Variants in DCPS observed in about 807,000 individuals in gnomAD.
The protein encoded by DCPS is decapping enzyme, scavenger, also known as m7GpppX diphosphatase.
DCPS carries 27 observed loss-of-function variants against 34.7 expected under a neutral mutation model. The ratio of observed to expected loss-of-function variants is 0.78; its 90% confidence interval spans 0.57 to 1.07. The LOEUF (loss-of-function observed/expected upper bound fraction) is 1.07. DCPS is among the 50% of genes least tolerant of loss of function. The probability of loss-of-function intolerance (pLI) is 0.00; values close to 1 mark genes in which losing one functional copy is unlikely to be tolerated. For synonymous variants in DCPS, 185 were observed against 185.7 expected (o/e 1.00, Z 0.03); for missense variants, 464 against 436.9 (o/e 1.06, Z -0.55).
chr11:126,310,841 C>A (rs560942424), intron 2 of DCPS, among the ~76,000 whole-genome samples: 1 of 152,354 alleles, frequency 6.6e-6, no homozygotes, highest in Non-Finnish European at 1.5e-5. Context: ...AGCCCTCTGT[C>A]CCCCTGCATG....
rs889219110 is a variant in DCPS at position 126,329,830 on chromosome 11, G to A, written c.377-1575G>A. On this transcript the variant is annotated intron_variant, in intron 2 of 5. Coordinates refer to ENST00000263579, the MANE Select transcript of DCPS (RefSeq NM_014026.6). This position sits in a 1 kb window ranked among gnomAD's most constrained non-coding sequence, Gnocchi z 5.0. ...ATAGTTCTTAGCCGGGTTTTGCGGT[G>A]TGTGAGTGAGTATGAGGACTTCGTG... 2.0e-5 allele frequency among the ~76,000 whole-genome samples: 3 copies of A among 152,272 alleles called. No individual in the cohort carries two copies. The highest frequency in any genetic ancestry group is 3.9e-4 in the East Asian group (2 of 5,176).
At position 126,345,276 on chromosome 11, in the gene DCPS, C is replaced by G. The variant is rs76667195; in HGVS notation, c.748-71C>G. ...TCCAGGATTCAGATGGGAGGAGGGT[C>G]TAGGTGGGGACATGGCGCCGGGCCT... On this transcript the variant is annotated intron_variant, in intron 5 of 5. Coordinates refer to ENST00000263579, the MANE Select transcript of DCPS (RefSeq NM_014026.6). The surrounding 1 kb of genome is among the most constrained non-coding windows in gnomAD (Gnocchi z 7.4). 1.3e-6 allele frequency: 2 copies of G among 1,584,286 alleles called. No individual in the cohort carries two copies. Among genetic ancestry groups the G allele is most frequent in the Non-Finnish European group, 1.7e-6 (2 of 1,166,350 alleles).
chr11:126,321,827 C>T (rs1377229126), intron 2 of DCPS, among the ~76,000 whole-genome samples: 1 of 151,756 alleles, frequency 6.6e-6, no homozygotes, highest in Non-Finnish European at 1.5e-5. Context: ...TTTATTAAAG[C>T]TCTTGGAAAT....
rs1411634380 is a variant in DCPS, at chr11:126,346,774, C to T, written c.*1161C>T. Among the ~76,000 whole-genome samples the T allele has an allele frequency of 6.6e-6, 1 of 152,192 alleles. No homozygotes were observed. The highest frequency in any genetic ancestry group is 1.5e-5 in the Non-Finnish European group (1 of 68,040). On this transcript the variant is annotated 3_prime_UTR_variant, in exon 6 of 6. Transcript: ENST00000263579. This position sits in a 1 kb window ranked among gnomAD's most constrained non-coding sequence, Gnocchi z 4.1. ...CATCCCCTGCCTGAGAACCAGGAAG[C>T]CTCATTCAGAGATTAGCCCCTTTAC...
chr11:126,338,456 T>C lies in DCPS; in HGVS notation c.636+57T>C. 6.8e-7 allele frequency: 1 copy of C among 1,471,808 alleles called. No individual in the cohort carries two copies. Among genetic ancestry groups the C allele is most frequent in the South Asian group, 1.1e-5 (1 of 88,072 alleles). The allele number at this position is 1,471,808 out of a possible 1,614,324, so 91.2% of individuals were successfully genotyped here. On this transcript the variant is annotated intron_variant, in intron 4 of 5. Coordinates refer to ENST00000263579, the MANE Select transcript of DCPS (RefSeq NM_014026.6). The surrounding 1 kb of genome is among the most constrained non-coding windows in gnomAD (Gnocchi z 5.4). Reference sequence around the variant, plus strand: ...CTGGCCACCCTGCTGTAAGTGCTGGTCCTTCTGACTGCCCTCTTTCTCACG... The same window carrying C: ...CTGGCCACCCTGCTGTAAGTGCTGGCCCTTCTGACTGCCCTCTTTCTCACG...
Position 126,338,458 on chromosome 11 carries a change from C to T in DCPS, c.636+59C>T, listed in dbSNP as rs1296887019. The T allele has an allele frequency of 6.8e-7, 1 of 1,462,806 alleles. No homozygotes were observed. Among genetic ancestry groups the T allele is most frequent in the Non-Finnish European group, 9.6e-7 (1 of 1,043,014 alleles). 90.6% of individuals were successfully genotyped at this position (1,462,806 alleles called of 1,614,324 possible). ...GGCCACCCTGCTGTAAGTGCTGGTC[C>T]TTCTGACTGCCCTCTTTCTCACGCT... is the stretch of plus-strand genomic sequence containing the variant. On this transcript the variant is annotated intron_variant, in intron 4 of 5. Coordinates refer to ENST00000263579, the MANE Select transcript of DCPS (RefSeq NM_014026.6). This position sits in a 1 kb window ranked among gnomAD's most constrained non-coding sequence, Gnocchi z 5.4.
Position 126,328,806 on chromosome 11 carries a change from G to C in DCPS, c.377-2599G>C, listed in dbSNP as rs1184533439. 2.6e-5 allele frequency among the ~76,000 whole-genome samples: 4 copies of C among 152,308 alleles called. No individual in the cohort carries two copies. Among genetic ancestry groups the C allele is most frequent in the South Asian group, 2.1e-4 (1 of 4,824 alleles). ...AGCGGAGAGAATCCAAGCTAGCCTG[G>C]GGGGAGCGCTTTTCTCCATGTGAGG... On this transcript the variant is annotated intron_variant, in intron 2 of 5. Transcript: ENST00000263579. The surrounding 1 kb of genome is among the most constrained non-coding windows in gnomAD (Gnocchi z 6.6).
At position 126,348,389 on chromosome 11, in the gene DCPS, T is replaced by G. The variant is rs1048537777; in HGVS notation, c.*2776T>G. 2.0e-5 allele frequency among the ~76,000 whole-genome samples: 3 copies of G among 152,208 alleles called. No homozygotes were observed. Among genetic ancestry groups the G allele is most frequent in the African/African-American group, 7.2e-5 (3 of 41,460 alleles). The stretch of plus-strand genomic sequence containing the variant: ...TCCAGGCCTCACCACTTAACTTTTC[T>G]TGTACATGGAAAGACAAGCCTCTGC... On this transcript the variant is annotated 3_prime_UTR_variant, in exon 6 of 6. Coordinates refer to ENST00000263579, the MANE Select transcript of DCPS (RefSeq NM_014026.6). The surrounding 1 kb of genome is among the most constrained non-coding windows in gnomAD (Gnocchi z 5.3).
rs1043955999 is a variant in DCPS, at chr11:126,319,665, C to T, written c.377-11740C>T. On this transcript the variant is annotated intron_variant, in intron 2 of 5. Transcript: ENST00000263579. The surrounding 1 kb of genome is among the most constrained non-coding windows in gnomAD (Gnocchi z 4.5). ...GTTTCGCTGACAGCTGTTTACGTGT[C>T]TCTAGGAAGAATTGGAACTAGTCAT... 6.6e-6 allele frequency among the ~76,000 whole-genome samples: 1 copy of T among 152,176 alleles called. No homozygotes were observed. Among genetic ancestry groups the T allele is most frequent in the Non-Finnish European group, 1.5e-5 (1 of 68,026 alleles).
At position 126,345,351 on chromosome 11, in the gene DCPS, C is replaced by T. The variant is rs1455210854; in HGVS notation, c.752C>T (p.Ala251Val). The change falls in exon 6 of 6, where the codon GCC becomes GTC. Residue 251 changes from alanine (A) to valine (V), a missense_variant. Ala to Val is a moderately conservative substitution (Grantham distance 64). Coordinates refer to ENST00000263579, the MANE Select transcript of DCPS (RefSeq NM_014026.6). This position sits in a 1 kb window ranked among gnomAD's most constrained non-coding sequence, Gnocchi z 7.4. The stretch of plus-strand genomic sequence containing the variant: ...TGCCTGCCCCTGTCTCATCAGGAGG[C>T]CATCCTGCAGCGCTACCGGATGAAG... ...LRNILHQGQE[A>V]ILQRYRMKGD... is the part of the protein sequence containing the mutation. 23 of 1,613,656 alleles carry T rather than the reference C, an allele frequency of 1.4e-5. No individual in the cohort carries two copies. The highest frequency in any genetic ancestry group is 2.7e-5 in the African/African-American group (2 of 74,930).
rs909364962 is a variant in DCPS at position 126,323,598 on chromosome 11, C to T, written c.377-7807C>T. Among the ~76,000 whole-genome samples, 1 of 151,786 alleles carries T rather than the reference C, an allele frequency of 6.6e-6. No individual in the cohort carries two copies. The highest frequency in any genetic ancestry group is 1.5e-5 in the Non-Finnish European group (1 of 67,984). On this transcript the variant is annotated intron_variant, in intron 2 of 5. Coordinates refer to ENST00000263579, the MANE Select transcript of DCPS (RefSeq NM_014026.6). This position sits in a 1 kb window ranked among gnomAD's most constrained non-coding sequence, Gnocchi z 4.4. ...TCACCCAGGCTGGAGCGCAGTGGCA[C>T]GATCACAGCTCACTGCAGCCTTGAC... is the stretch of plus-strand genomic sequence containing the variant.
chr11:126,308,877 G>A (rs1269427261), intron 2 of DCPS, among the ~76,000 whole-genome samples: 1 of 152,046 alleles, frequency 6.6e-6, no homozygotes, highest in Non-Finnish European at 1.5e-5. Context: ...TGTTTCTATT[G>A]TTTTTCCCAA....
In DCPS at chr11:126,332,468, C is replaced by T. The variant is rs1001265322; in HGVS notation, c.522+918C>T. Among the ~76,000 whole-genome samples the T allele has an allele frequency of 4.6e-5, 7 of 152,236 alleles. No homozygotes were observed. The highest frequency in any genetic ancestry group is 2.1e-4 in the South Asian group (1 of 4,830). On this transcript the variant is annotated intron_variant, in intron 3 of 5. Transcript: ENST00000263579. This position sits in a 1 kb window ranked among gnomAD's most constrained non-coding sequence, Gnocchi z 5.4. ...CTTTATCACTCACCCTTGTTCTCTT[C>T]GAGCATTTCTCACTTTTCTCCCCAA...
rs532791526 is a variant in DCPS, at chr11:126,334,045, G to A, written c.522+2495G>A. On this transcript the variant is annotated intron_variant, in intron 3 of 5. Coordinates refer to ENST00000263579, the MANE Select transcript of DCPS (RefSeq NM_014026.6). The surrounding 1 kb of genome is among the most constrained non-coding windows in gnomAD (Gnocchi z 5.5). ...AGAACAGGAAGACTGGGAAAAACCA[G>A]TATGGGTCTGAACCAAGGTAGGGAC... Among the ~76,000 whole-genome samples the A allele has an allele frequency of 1.3e-5, 2 of 152,306 alleles. No homozygotes were observed. The highest frequency in any genetic ancestry group is 2.1e-4 in the South Asian group (1 of 4,826).
intron 4 of DCPS, among the ~76,000 whole-genome samples, chr11:126,339,693 C>G (rs75098392): frequency 0.025 from 3,876 of 152,346 alleles, 67 homozygotes; most frequent in South Asian, 0.041. Context: ...CCTGCATCCA[C>G]TCTGCCCTTC....
chr11:126,304,084 G>A lies in DCPS; in HGVS notation c.4G>A (p.Ala2Thr). The A allele has an allele frequency of 1.3e-6, 2 of 1,597,640 alleles. No individual in the cohort carries two copies. Among genetic ancestry groups the A allele is most frequent in the Non-Finnish European group, 1.7e-6 (2 of 1,172,284 alleles). ...CGCACACCGCCTCCGCGGCAGCATG[G>A]CGGACGCAGCTCCTCAACTAGGCAA... M[A>T]DAAPQLGKRK... The change falls in exon 1 of 6, where the codon GCG becomes ACG. Residue 2 changes from alanine to threonine, a missense_variant. Transcript: ENST00000263579.
rs1035157923 is a variant in DCPS at position 126,312,493 on chromosome 11, C to G, written c.376+5749C>G. On this transcript the variant is annotated intron_variant, in intron 2 of 5. Transcript: ENST00000263579. The surrounding 1 kb of genome is among the most constrained non-coding windows in gnomAD (Gnocchi z 5.1). The stretch of plus-strand genomic sequence containing the variant: ...AGCTGGGACTACAGGCACCCGCCAC[C>G]ACACCCAGCTAATTTTTTTGTATTT... Among the ~76,000 whole-genome samples the G allele has an allele frequency of 6.6e-6, 1 of 151,928 alleles. No homozygotes were observed. Among genetic ancestry groups the G allele is most frequent in the East Asian group, 1.9e-4 (1 of 5,160 alleles).
chr11:126,338,442 G>T lies in DCPS; in HGVS notation c.636+43G>T, dbSNP rs766396280. 3.2e-6 allele frequency: 5 copies of T among 1,553,404 alleles called. No individual in the cohort carries two copies. In the South Asian group the frequency reaches 5.6e-5, roughly 17 times the overall value. On this transcript the variant is annotated intron_variant, in intron 4 of 5. Coordinates refer to ENST00000263579, the MANE Select transcript of DCPS (RefSeq NM_014026.6). This position sits in a 1 kb window ranked among gnomAD's most constrained non-coding sequence, Gnocchi z 5.4. ...GAATGTCCTGATCTCTGGCCACCCT[G>T]CTGTAAGTGCTGGTCCTTCTGACTG... is the stretch of plus-strand genomic sequence containing the variant.
Position 126,331,866 on chromosome 11 carries a change from C to T in DCPS, c.522+316C>T, listed in dbSNP as rs1047543589. Among the ~76,000 whole-genome samples, 18 of 152,044 alleles carry T rather than the reference C, an allele frequency of 1.2e-4. 1 individual carries two copies. The highest frequency in any genetic ancestry group is 1.5e-5 in the Non-Finnish European group (1 of 68,032). ...GCAATTGCCATTTTATATCGCATGG[C>T]GAGAGAAGGCTTTGGGGGTGGGGGA... On this transcript the variant is annotated intron_variant, in intron 3 of 5. Transcript: ENST00000263579. The surrounding 1 kb of genome is among the most constrained non-coding windows in gnomAD (Gnocchi z 7.2).
Sources: gnomAD v4.1 joint callset for allele counts (sites outside exome capture counted in the v4.1 genomes callset) on GRCh38, gnomAD v4.1.1 for gene constraint, Gnocchi (gnomAD v3.1) non-coding constraint, MANE v1.5 for transcripts, NCBI Gene and HGNC (gene_info 2026-07-23, HGNC 2026-07-21) for gene names.